TFPI: variants seen among roughly 807,000 people sequenced by gnomAD.
TFPI encodes the protein tissue factor pathway inhibitor, also known as anti-convertin.
In TFPI, 15 loss-of-function variants were observed where a neutral mutation model predicts 34.6. The ratio of observed to expected loss-of-function variants is 0.43; its 90% CI spans 0.29 to 0.67. TFPI has a LOEUF of 0.67. TFPI is among the 30% of genes least tolerant of loss of function. The pLI is 0.15. For synonymous variants in TFPI, 105 were observed against 120.1 expected (o/e 0.87, Z 0.82); for missense variants, 301 against 364.0 (o/e 0.83, Z 1.41).
At chr2:187,472,838 C>G (rs1364910360) in intron 6 of TFPI, among the ~76,000 whole-genome samples, 2 of 151,896 alleles carry the variant, frequency 1.3e-5, no homozygotes, top group African/African-American at 4.8e-5. Context: ...TAGGTGAAAC[C>G]CTGTCTCTAC....
At chr2:187,535,563 T>C (rs969876598) in intron 1 of TFPI, among the ~76,000 whole-genome samples, 2 of 152,088 alleles carry the variant, frequency 1.3e-5, no homozygotes, top group African/African-American at 4.8e-5. Flanking sequence ...CATACCAAAA[T>C]TTCTGGGACA....
rs1201446887 is a variant in TFPI at position 187,465,689 on chromosome 2, CATT to C, written c.*1244_*1246del. 6.6e-6 allele frequency: 1 copy of C among 151,684 alleles called. No homozygotes were observed. Among genetic ancestry groups the C allele is most frequent in the African/African-American group, 2.4e-5 (1 of 41,280 alleles). The allele number at this position is 151,684 out of a possible 1,614,324, so 9.4% of individuals were successfully genotyped here. A position where few individuals can be genotyped will look rare whatever the true frequency, so the allele number is the denominator to read the frequency against. ...TGAAGAACAGGCAGAATTATACTAT[CATT>C]GTTAGCGAGAAGTCATGAAGCTATT... On this transcript the variant is annotated 3_prime_UTR_variant, in exon 8 of 8. Transcript: ENST00000233156.
At chr2:187,475,633 G>A (rs1472540993) in intron 6 of TFPI, among the ~76,000 whole-genome samples, 2 of 151,982 alleles carry the variant, frequency 1.3e-5, no homozygotes, top group African/African-American at 4.8e-5. Context: ...AACAAATGAG[G>A]AACCTGAAGC....
At chr2:187,498,384 C>T (rs1014152805) in intron 2 of TFPI, among the ~76,000 whole-genome samples, 1 of 151,510 alleles carries the variant, frequency 6.6e-6, no homozygotes, top group African/African-American at 2.4e-5. Context: ...TTCTAATAAT[C>T]AATTTTGAAT....
In TFPI at chr2:187,549,146, TACA is replaced by T. The variant is rs113821940; in HGVS notation, c.-3+5051_-3+5053del. 6.9e-3 allele frequency among the ~76,000 whole-genome samples: 1,045 copies of T among 152,208 alleles called. 10 individuals are homozygous for T. Among genetic ancestry groups the T allele is most frequent in the African/African-American group, 0.024 (996 of 41,560 alleles). ...AGATCTTGAATAATGTTCACATAGC[TACA>T]ACATCAAATTCCAGTGCTAATATAA... On this transcript the variant is annotated intron_variant, in intron 1 of 7. Coordinates refer to ENST00000233156, the MANE Select transcript of TFPI (RefSeq NM_006287.6).
chr2:187,471,076 A>T (rs554975830), intron 6 of TFPI, among the ~76,000 whole-genome samples: 1 of 152,226 alleles, frequency 6.6e-6, no homozygotes, highest in Non-Finnish European at 1.5e-5. Context: ...ATCACTAAGG[A>T]TATTGTATTA....
intron 3 of TFPI, among the ~76,000 whole-genome samples, chr2:187,491,259 C>G (rs1685105978): frequency 6.6e-6 from 1 of 151,622 alleles, no homozygotes; most frequent in Non-Finnish European, 1.5e-5. Context: ...GGTTATATTG[C>G]ATAGTGGTGA....
intron 1 of TFPI, among the ~76,000 whole-genome samples, chr2:187,551,997 TTGA>T (rs1339467188): frequency 2.6e-5 from 4 of 152,068 alleles, no homozygotes; most frequent in African/African-American, 9.7e-5. Context: ...AAAAAATAAA[TTGA>T]TGATATAATT....
intron 2 of TFPI, 149 bp from the exon 3 acceptor site, chr2:187,497,227 G>C: frequency 1.3e-6 from 1 of 770,912 alleles, no homozygotes; most frequent in Non-Finnish European, 2.0e-6. Context: ...TTATCAAAAT[G>C]GTAGATAAAG....
At chr2:187,536,439 T>A (rs1360521529) in intron 1 of TFPI, among the ~76,000 whole-genome samples, 2 of 152,156 alleles carry the variant, frequency 1.3e-5, no homozygotes, top group African/African-American at 4.8e-5. Flanking sequence ...CATATGCAAA[T>A]CAATAAACTT....
rs1258413348 is a variant in TFPI at position 187,465,084 on chromosome 2, T to G, written c.*1852A>C. 6.6e-6 allele frequency: 1 copy of G among 152,124 alleles called. No homozygotes were observed. The highest frequency in any genetic ancestry group is 1.9e-4 in the East Asian group (1 of 5,192). 9.4% of individuals were successfully genotyped at this position (152,124 alleles called of 1,614,324 possible). A position where few individuals can be genotyped will look rare whatever the true frequency, so the allele number is the denominator to read the frequency against. ...CTGTTGGTAAATCCAAAAACATACA[T>G]CAAAATTAAATGGTGAGGTTGAAGG... On this transcript the variant is annotated 3_prime_UTR_variant, in exon 8 of 8. Coordinates refer to ENST00000233156, the MANE Select transcript of TFPI (RefSeq NM_006287.6).
chr2:187,548,657 G>A (rs1396237225), intron 1 of TFPI, among the ~76,000 whole-genome samples: 2 of 152,020 alleles, frequency 1.3e-5, no homozygotes, highest in African/African-American at 4.8e-5. Flanking sequence ...GTAAGTGGTG[G>A]TGGGGAGAGT....
At chr2:187,503,279 C>T (rs1685970335) in intron 2 of TFPI, among the ~76,000 whole-genome samples, 1 of 151,992 alleles carries the variant, frequency 6.6e-6, no homozygotes. Flanking sequence ...TCCCTTTCCT[C>T]CTCACACTTT....
At chr2:187,516,637 A>C (rs974213385) in intron 1 of TFPI, 1 of 152,200 alleles carries the variant, frequency 6.6e-6, no homozygotes, top group South Asian at 2.1e-4. Flanking sequence ...ACCACCTCTC[A>C]TATTGTCTTA....
intron 6 of TFPI, among the ~76,000 whole-genome samples, chr2:187,470,531 G>A (rs1691973085): frequency 6.6e-6 from 1 of 152,108 alleles, no homozygotes; most frequent in South Asian, 2.1e-4. Context: ...GAACCATTTG[G>A]GCCTTTCCAT....
chr2:187,516,447 TG>T (rs1687009938), intron 1 of TFPI: 1 of 152,212 alleles, frequency 6.6e-6, no homozygotes, highest in South Asian at 2.1e-4. Context: ...GTTTGCTACC[TG>T]TACTCCTTCA....
At chr2:187,498,365 ATAT>A (rs1685627044) in intron 2 of TFPI, among the ~76,000 whole-genome samples, 1 of 151,884 alleles carries the variant, frequency 6.6e-6, no homozygotes, top group Admixed American at 6.6e-5. Flanking sequence ...CACCCATAAT[ATAT>A]TATTATTCTA....
chr2:187,532,502 A>C (rs1334349129), intron 1 of TFPI, among the ~76,000 whole-genome samples: 1 of 152,194 alleles, frequency 6.6e-6, no homozygotes. Flanking sequence ...CCCCTAGCCA[A>C]GGGAAGCCGT....
In TFPI at chr2:187,488,231, A is replaced by G. The variant is rs1693430817; in HGVS notation, c.358+106T>C. 6.0e-6 allele frequency: 5 copies of G among 832,298 alleles called. No individual in the cohort carries two copies. In the Middle Eastern group the frequency reaches 6.9e-4, roughly 115 times the overall value. 51.6% of individuals were successfully genotyped at this position (832,298 alleles called of 1,614,324 possible). A position where few individuals can be genotyped will look rare whatever the true frequency, so the allele number is the denominator to read the frequency against. ...AGAGAAACTTAAGAATTGAATATCT[A>G]TACTGAATCAGGGACCAGAAAAAAC... On this transcript the variant is annotated intron_variant, in intron 4 of 7. Coordinates refer to ENST00000233156, the MANE Select transcript of TFPI (RefSeq NM_006287.6).
Sources: gnomAD v4.1 joint callset for allele counts (sites outside exome capture counted in the v4.1 genomes callset) on GRCh38, gnomAD v4.1.1 for gene constraint, MANE v1.5 for transcripts, NCBI Gene and HGNC (gene_info 2026-07-23, HGNC 2026-07-21) for gene names.